ATAD1: variants seen among roughly 807,000 people sequenced by gnomAD.
The protein encoded by ATAD1 is ATPase family AAA domain containing 1, also known as outer mitochondrial transmembrane helix translocase.
In ATAD1, 18 loss-of-function variants were observed where a neutral mutation model predicts 42.7. The ratio of observed to expected loss-of-function variants is 0.42; its 90% CI spans 0.29 to 0.63. The LOEUF (loss-of-function observed/expected upper bound fraction) is 0.63. Among genes scored for constraint, ATAD1 ranks in the 20% least tolerant of loss-of-function variants. The probability of loss-of-function intolerance (pLI) is 0.19; values close to 1 mark genes in which losing one functional copy is unlikely to be tolerated. For synonymous variants in ATAD1, 132 were observed against 143.1 expected, an observed-to-expected ratio of 0.92 and a Z score of 0.55; for missense variants, 294 against 440.4, an observed-to-expected ratio of 0.67 and a Z score of 2.98.
intron 5 of ATAD1, 115 bp downstream of exon 5, chr10:87,784,355 G>T: frequency 7.7e-6 from 7 of 909,842 alleles, no homozygotes; most frequent in Non-Finnish European, 1.0e-5. Context: ...TTATGATGTT[G>T]GTTATGTTCT....
chr10:87,825,522 G>A (rs1180962540), intron 1 of ATAD1, among the ~76,000 whole-genome samples: 4 of 151,932 alleles, frequency 2.6e-5, no homozygotes, highest in African/African-American at 9.7e-5. Flanking sequence ...TGTTAGCCAG[G>A]ATGGTCTCGA....
At chr10:87,832,384 A>T (rs1332918073) in intron 1 of ATAD1, 2 of 148,666 alleles carry the variant, frequency 1.3e-5, no homozygotes, top group Non-Finnish European at 3.0e-5. Flanking sequence ...ACAGAGTGAG[A>T]TCCTATCTCA....
At chr10:87,818,139 T>G in intron 1 of ATAD1, 28 bp downstream of exon 1, 1 of 985,552 alleles carries the variant, frequency 1.0e-6, no homozygotes, top group Non-Finnish European at 1.2e-6. Flanking sequence ...AACCATCCCA[T>G]GAGGCCCCAC....
rs1854034392 is a variant in ATAD1, at chr10:87,751,893, T to C, written c.*2794A>G. 1 of 152,222 alleles carries C rather than the reference T, an allele frequency of 6.6e-6. No homozygotes were observed. 9.4% of individuals were successfully genotyped at this position (152,222 alleles called of 1,614,324 possible). A position where few individuals can be genotyped will look rare whatever the true frequency, so the allele number is the denominator to read the frequency against. ...ATTTTCTTTATCCAGAAGAAATCTG[T>C]TAACATTTTCCCAAAATAACAATTC... On this transcript the variant is annotated 3_prime_UTR_variant, in exon 10 of 10. Coordinates refer to ENST00000680024, the MANE Select transcript of ATAD1 (RefSeq NM_001321967.2).
chr10:87,758,146 A>G (rs550303670), intron 8 of ATAD1, among the ~76,000 whole-genome samples: 1 of 152,324 alleles, frequency 6.6e-6, no homozygotes, highest in East Asian at 1.9e-4. Flanking sequence ...GCTGTACAAT[A>G]AGGACATGTA....
intron 1 of ATAD1, chr10:87,833,057 T>C (rs1441116009): frequency 6.6e-6 from 1 of 152,212 alleles, no homozygotes; most frequent in East Asian, 1.9e-4. Context: ...GCTCAAGCAC[T>C]TCTCCTCCCT....
intron 8 of ATAD1, among the ~76,000 whole-genome samples, chr10:87,765,799 G>A (rs753034274): frequency 2.0e-5 from 3 of 152,068 alleles, no homozygotes; most frequent in Non-Finnish European, 4.4e-5. Flanking sequence ...AGGCCAAGGC[G>A]GGGGGATTGC....
intron 1 of ATAD1, among the ~76,000 whole-genome samples, chr10:87,831,155 C>T (rs919568325): frequency 6.6e-6 from 1 of 152,120 alleles, no homozygotes; most frequent in African/African-American, 2.4e-5. Context: ...AGATAAGCTA[C>T]GTAAAGGAAC....
At chr10:87,794,087 G>A (rs916381330) in intron 2 of ATAD1, among the ~76,000 whole-genome samples, 2 of 152,160 alleles carry the variant, frequency 1.3e-5, no homozygotes, top group East Asian at 1.9e-4. Context: ...GTATGTGGTA[G>A]TACACGCCTG....
chr10:87,800,198 A>G (rs923353845), intron 2 of ATAD1, among the ~76,000 whole-genome samples: 9 of 152,018 alleles, frequency 5.9e-5, no homozygotes, highest in African/African-American at 1.9e-4. Flanking sequence ...ATATATATAC[A>G]CACACACTAA....
In ATAD1 at chr10:87,770,939, C is replaced by A. The variant is rs1855001265; in HGVS notation, c.780+13G>T. On this transcript the variant is annotated intron_variant, in intron 7 of 9. Transcript: ENST00000680024. ...GTATTTAACTCTTCATAATATCAAT[C>A]AAGACCACCTACAGGCTGGTTGATA... 3.7e-6 allele frequency: 6 copies of A among 1,607,688 alleles called. No homozygotes were observed. Among genetic ancestry groups the A allele is most frequent in the Non-Finnish European group, 5.1e-6 (6 of 1,175,022 alleles).
Position 87,780,266 on chromosome 10 carries a change from G to A in ATAD1, c.584-3839C>T, listed in dbSNP as rs147749333. Among the ~76,000 whole-genome samples the A allele has an allele frequency of 6.6e-5, 10 of 152,206 alleles. 1 individual carries two copies. The East Asian group carries it at 1.9e-3, about 29-fold the overall frequency. ...ACATTACAGAAAAGGTAAAACTATAGAGACAGTAAAAAAAGATCAGCGGAT... is the reference window on the plus strand; with the variant it reads ...ACATTACAGAAAAGGTAAAACTATAAAGACAGTAAAAAAAGATCAGCGGAT... On this transcript the variant is annotated intron_variant, in intron 5 of 9. Transcript: ENST00000680024.
intron 8 of ATAD1, among the ~76,000 whole-genome samples, chr10:87,761,748 A>G (rs1002067340): frequency 6.6e-6 from 1 of 152,142 alleles, no homozygotes; most frequent in East Asian, 1.9e-4. Flanking sequence ...ACTAAAATTA[A>G]GAGACATGTA....
chr10:87,833,377 C>T (rs1371811202), intron 1 of ATAD1, among the ~76,000 whole-genome samples: 4 of 152,014 alleles, frequency 2.6e-5, no homozygotes, highest in Non-Finnish European at 5.9e-5. Context: ...TTTTAAATCA[C>T]TTATTTGGTT....
At chr10:87,823,352 A>T (rs566235565) in intron 1 of ATAD1, among the ~76,000 whole-genome samples, 1 of 152,294 alleles carries the variant, frequency 6.6e-6, no homozygotes, top group South Asian at 2.1e-4. Flanking sequence ...GAAATTTACA[A>T]CCTACAATAT....
intron 2 of ATAD1, among the ~76,000 whole-genome samples, chr10:87,805,407 A>G (rs909801365): frequency 6.6e-6 from 1 of 152,144 alleles, no homozygotes; most frequent in Non-Finnish European, 1.5e-5. Context: ...ATTTAACACT[A>G]CCATTCACTC....
intron 2 of ATAD1, among the ~76,000 whole-genome samples, chr10:87,796,508 T>C (rs1856394929): frequency 1.3e-5 from 2 of 152,202 alleles, no homozygotes; most frequent in Non-Finnish European, 1.5e-5. Context: ...CAGAACCCAA[T>C]GTTCATCTTA....
chr10:87,807,308 T>C (rs1197481126), intron 2 of ATAD1, among the ~76,000 whole-genome samples: 1 of 152,216 alleles, frequency 6.6e-6, no homozygotes, highest in East Asian at 1.9e-4. Context: ...CTTCGCTATA[T>C]GCCCAGAATG....
intron 6 of ATAD1, 50 bp downstream of exon 6, chr10:87,776,271 T>A (rs1410648731): frequency 6.9e-7 from 1 of 1,448,386 alleles, no homozygotes; most frequent in Non-Finnish European, 9.6e-7. Flanking sequence ...AAATTTTCTA[T>A]TAAGAACAAA....
Sources: gnomAD v4.1 joint callset for allele counts (sites outside exome capture counted in the v4.1 genomes callset) on GRCh38, gnomAD v4.1.1 for gene constraint, MANE v1.5 for transcripts, NCBI Gene and HGNC (gene_info 2026-07-23, HGNC 2026-07-21) for gene names.